MINDY1: variants seen among roughly 807,000 people sequenced by gnomAD.
MINDY1 encodes the protein ubiquitin carboxyl-terminal hydrolase MINDY-1.
A neutral mutation model predicts 53.6 loss-of-function variants in MINDY1; 50 were observed. The observed-to-expected ratio is 0.93, with a 90% confidence interval of 0.74 to 1.18. The LOEUF (loss-of-function observed/expected upper bound fraction) is 1.18. Among genes scored for constraint, MINDY1 ranks in the 50% most tolerant of loss-of-function variants. MINDY1 has a pLI of 0.00. For missense variants in MINDY1, 484 were observed against 578.6 expected (o/e 0.84, Z 1.68); for synonymous variants, 231 against 234.7 (o/e 0.98, Z 0.14).
rs370021640 is a variant in MINDY1, at chr1:150,997,318, G to A, written c.1379C>T (p.Pro460Leu). The change falls in exon 10 of 10, where the codon CCG becomes CTG. Residue 460 changes from proline (P) to leucine (L), a missense_variant. Physicochemically the swap from Pro to Leu is moderately conservative, Grantham distance 98 (BLOSUM62 -3). Transcript: ENST00000683666. ...CAGAATGCAGTCTGACTCGTGCTTC[G>A]GCCTCTGCCGACGCTCCCCGGCTGG... ...GRPAGERRQR[P>L]KHESDCILL 2.9e-5 allele frequency: 47 copies of A among 1,599,782 alleles called. No homozygotes were observed. The Admixed American group carries it at 4.1e-4, about 14-fold the overall frequency.
chr1:151,008,264 C>T (rs1370791940), upstream of MINDY1: 1 of 1,204,188 alleles, frequency 8.3e-7, no homozygotes, highest in Non-Finnish European at 1.0e-6. Flanking sequence ...GTTTACCGAA[C>T]GACTGATCCC....
chr1:151,007,917 A>C (rs1411703956), upstream of MINDY1, among the ~76,000 whole-genome samples: 1 of 152,172 alleles, frequency 6.6e-6, no homozygotes, highest in Non-Finnish European at 1.5e-5. Flanking sequence ...CCGTCCAAGA[A>C]AGGAAGAAGA....
chr1:150,998,022 C>T, intron 8 of MINDY1, 60 bp downstream of exon 8: 2 of 1,508,360 alleles, frequency 1.3e-6, no homozygotes, highest in Non-Finnish European at 1.8e-6. Flanking sequence ...AAAATGTATG[C>T]AGTAAAAAGC....
rs752498364 is a variant in MINDY1, at chr1:151,002,474, T to C, written c.144A>G (p.Arg48=). ...AAGCTTGGTCTGCTGGCTCCCGTTCTCTAGCCTCCCCATCAGCATCTCTTG... is the reference window on the plus strand; with the variant it reads ...AAGCTTGGTCTGCTGGCTCCCGTTCCCTAGCCTCCCCATCAGCATCTCTTG... The part of the protein sequence containing the change: ...TDARDADGEA[R]EREPADQALL... The change falls in exon 2 of 10, where the codon AGA becomes AGG. Residue 48 remains arginine, a synonymous_variant. Coordinates refer to ENST00000683666, the MANE Select transcript of MINDY1 (RefSeq NM_001376665.1). The surrounding 1 kb of genome is among the most constrained non-coding windows in gnomAD (Gnocchi z 4.1). 1 of 1,614,232 alleles carries C rather than the reference T, an allele frequency of 6.2e-7. No homozygotes were observed. Among genetic ancestry groups the C allele is most frequent in the Admixed American group, 1.7e-5 (1 of 60,034 alleles).
chr1:150,997,541 C>A, intron 9 of MINDY1, 83 bp downstream of exon 9: 1 of 1,598,122 alleles, frequency 6.3e-7, no homozygotes, highest in Non-Finnish European at 8.5e-7. Flanking sequence ...CTTGAAGAGA[C>A]CAGTGCAGGA....
In MINDY1 at chr1:151,000,617, TG is replaced by T. The variant is rs2102840964; in HGVS notation, c.577-3del. On this transcript the variant is annotated splice_region_variant and splice_polypyrimidine_tract_variant and intron_variant, in intron 4 of 9. Coordinates refer to ENST00000683666, the MANE Select transcript of MINDY1 (RefSeq NM_001376665.1). ...CACTGTCATTGCATCATCCACATTCTGGGGGTAGAAAAAAAAATGATGGAGA... is the reference window on the plus strand; with the variant it reads ...CACTGTCATTGCATCATCCACATTCTGGGGTAGAAAAAAAAATGATGGAGA... 3.7e-6 allele frequency: 6 copies of T among 1,603,302 alleles called. No homozygotes were observed. In the East Asian group the frequency reaches 8.9e-5, roughly 24 times the overall value.
chr1:151,006,163 A>C (rs757020966), intron 1 of MINDY1, 149 bp downstream of exon 1: 2 of 1,551,678 alleles, frequency 1.3e-6, no homozygotes, highest in East Asian at 4.9e-5. Flanking sequence ...CATCCCCTTT[A>C]CATGTCTCTC....
intron 3 of MINDY1, 60 bp downstream of exon 3, chr1:151,001,665 G>A: frequency 6.3e-7 from 1 of 1,586,038 alleles, no homozygotes; most frequent in African/African-American, 1.4e-5. Flanking sequence ...CTGGATTTCT[G>A]GCTGAGTGGA....
intron 4 of MINDY1, among the ~76,000 whole-genome samples, chr1:151,000,882 G>T (rs979066875): frequency 2.0e-5 from 3 of 152,018 alleles, no homozygotes; most frequent in Non-Finnish European, 4.4e-5. Context: ...GGTTTCAAGT[G>T]ACCCTCCCAC....
In MINDY1 at chr1:151,002,306, G is replaced by A; in HGVS notation, c.312C>T (p.Pro104=). Residue 104 remains proline (P), a synonymous_variant, in exon 2 of 10, where the codon CCC becomes CCT. Transcript: ENST00000683666. This position sits in a 1 kb window ranked among gnomAD's most constrained non-coding sequence, Gnocchi z 4.1. ...CSMPQELPQS[P]RTRQPEPDFY... Reference sequence around the variant, plus strand: ...AATCTGGCTCAGGCTGTCGGGTCCTGGGGGACTGAGGAAGCTCCTGGGGCA... The same window carrying A: ...AATCTGGCTCAGGCTGTCGGGTCCTAGGGGACTGAGGAAGCTCCTGGGGCA... The A allele has an allele frequency of 3.7e-6, 6 of 1,614,166 alleles. No individual in the cohort carries two copies. Among genetic ancestry groups the A allele is most frequent in the Non-Finnish European group, 5.1e-6 (6 of 1,180,030 alleles).
chr1:151,002,132 A>G lies in MINDY1; in HGVS notation c.453+33T>C. On this transcript the variant is annotated intron_variant, in intron 2 of 9. Coordinates refer to ENST00000683666, the MANE Select transcript of MINDY1 (RefSeq NM_001376665.1). This position sits in a 1 kb window ranked among gnomAD's most constrained non-coding sequence, Gnocchi z 4.1. ...AAGTCAGGGAAGAGTACTCCCTGATATTTTTTGCACCCCTAACTGCATGTT... is the reference window on the plus strand; with the variant it reads ...AAGTCAGGGAAGAGTACTCCCTGATGTTTTTTGCACCCCTAACTGCATGTT... 4 of 1,554,330 alleles carry G rather than the reference A, an allele frequency of 2.6e-6. No homozygotes were observed. The highest frequency in any genetic ancestry group is 2.6e-6 in the Non-Finnish European group (3 of 1,149,498).
intron 4 of MINDY1, 43 bp from the exon 5 acceptor site, chr1:151,000,658 C>T: frequency 6.3e-7 from 1 of 1,577,250 alleles, no homozygotes; most frequent in Non-Finnish European, 8.6e-7. Context: ...AGCCTTCTCT[C>T]CCACCACTCC....
In MINDY1 at chr1:151,002,636, T is replaced by C; in HGVS notation, c.-19A>G. 1 of 1,614,036 alleles carries C rather than the reference T, an allele frequency of 6.2e-7. No individual in the cohort carries two copies. Among genetic ancestry groups the C allele is most frequent in the Non-Finnish European group, 8.5e-7 (1 of 1,179,908 alleles). On this transcript the variant is annotated 5_prime_UTR_variant, in exon 2 of 10. Transcript: ENST00000683666. The surrounding 1 kb of genome is among the most constrained non-coding windows in gnomAD (Gnocchi z 4.1). ...ATTCCATGGTCAAAAGGGACTTGGC[T>C]GAGGGGCACTGAAGGTGTTTACTAA...
chr1:151,002,397 C>A lies in MINDY1; in HGVS notation c.221G>T (p.Ser74Ile). 1 of 1,614,176 alleles carries A rather than the reference C, an allele frequency of 6.2e-7. No individual in the cohort carries two copies. The stretch of plus-strand genomic sequence containing the variant: ...AAGGGTTGGCCCCGGTGGAGCTGAG[C>A]TAGCTTCAGGCAGAGGGGACTCAAG... Reference protein sequence around the residue: ...DNLESPLPEASSAPPGPTLGT... With the variant: ...DNLESPLPEAISAPPGPTLGT... The change falls in exon 2 of 10, where the codon AGC (serine) becomes ATC (isoleucine). Residue 74 changes from serine (S) to isoleucine (I), a missense_variant. Physicochemically the swap from Ser to Ile is moderately radical, Grantham distance 142. Coordinates refer to ENST00000683666, the MANE Select transcript of MINDY1 (RefSeq NM_001376665.1). This position sits in a 1 kb window ranked among gnomAD's most constrained non-coding sequence, Gnocchi z 4.1.
At chr1:150,998,614 C>T (rs1672151974) in intron 7 of MINDY1, among the ~76,000 whole-genome samples, 1 of 152,210 alleles carries the variant, frequency 6.6e-6, no homozygotes. Flanking sequence ...CCTCGGCCTC[C>T]CAAAGTGCTG....
Position 151,000,005 on chromosome 1 carries a change from A to AT in MINDY1, c.736-42dup, listed in dbSNP as rs587624182. The AT allele has an allele frequency of 9.1e-4, 1,349 of 1,488,302 alleles. 1 individual carries two copies. The highest frequency in any genetic ancestry group is 1.1e-3 in the Non-Finnish European group (1,155 of 1,072,826). 92.2% of individuals were successfully genotyped at this position (1,488,302 alleles called of 1,614,324 possible). ...GATGTGGGATACCAAAAAAATTGGG[A>AT]TTTTTTTTTCTTTTTTAAGGAAGGA... On this transcript the variant is annotated intron_variant, in intron 5 of 9. Transcript: ENST00000683666.
In MINDY1 at chr1:150,999,483, G is replaced by A. The variant is rs901793980; in HGVS notation, c.867C>T (p.Thr289=). ...EGLIAEQFLE[T]TAAQLTYHGL... Reference sequence around the variant, plus strand: ...CGTGGTAGGTCAGCTGGGCCGCGGTGGTCTCCAGGAACTGCTCTGCAATCA... The same window carrying A: ...CGTGGTAGGTCAGCTGGGCCGCGGTAGTCTCCAGGAACTGCTCTGCAATCA... Residue 289 remains threonine (T), a synonymous_variant, in exon 7 of 10, where the codon ACC becomes ACT. Transcript: ENST00000683666. The surrounding 1 kb of genome is among the most constrained non-coding windows in gnomAD (Gnocchi z 4.4). 1.9e-6 allele frequency: 3 copies of A among 1,613,972 alleles called. No homozygotes were observed. The highest frequency in any genetic ancestry group is 2.7e-5 in the African/African-American group (2 of 74,906).
chr1:150,997,981 G>C (rs1407748956), intron 8 of MINDY1, 101 bp downstream of exon 8: 1 of 1,319,084 alleles, frequency 7.6e-7, no homozygotes, highest in Non-Finnish European at 1.0e-6. Context: ...CCCAGAGAGA[G>C]AGGCATGGGT....
At chr1:151,004,471 T>C (rs1005047729) in intron 1 of MINDY1, among the ~76,000 whole-genome samples, 2 of 152,048 alleles carry the variant, frequency 1.3e-5, no homozygotes, top group Non-Finnish European at 2.9e-5. Context: ...GGCTCACGCC[T>C]GTAATCCCAG....
Sources: allele counts gnomAD v4.1 joint callset (sites outside exome capture counted in the v4.1 genomes callset), GRCh38; gene constraint gnomAD v4.1.1; non-coding constraint Gnocchi (gnomAD v3.1); transcripts MANE v1.5; gene names NCBI Gene and HGNC (gene_info 2026-07-23, HGNC 2026-07-21).